CNTNAP2: variants seen among roughly 807,000 people sequenced by gnomAD.
CNTNAP2 encodes the protein contactin associated protein 2.
CNTNAP2 carries 98 observed loss-of-function variants against 155.2 expected under a neutral mutation model. The ratio of observed to expected loss-of-function variants is 0.63; its 90% confidence interval spans 0.54 to 0.75. CNTNAP2 has a LOEUF of 0.75. CNTNAP2 is among the 30% of genes least tolerant of loss of function. CNTNAP2 has a pLI of 0.00. For synonymous variants in CNTNAP2, 651 were observed against 631.2 expected (o/e 1.03, Z -0.47); for missense variants, 1,727 against 1,688.1 (o/e 1.02, Z -0.40).
At chr7:147,459,433 C>T (rs1029593667) in intron 10 of CNTNAP2, among the ~76,000 whole-genome samples, 1 of 152,060 alleles carries the variant, frequency 6.6e-6, no homozygotes, top group Admixed American at 6.6e-5. Flanking sequence ...GAATATGTCA[C>T]CTGACATGAC....
rs142787218 is a variant in CNTNAP2 at position 148,200,163 on chromosome 7, T to C, written c.3011-17125T>C. ...CCCTCATAGACACACTCAGAAATCATGTTTTATCAGCCATGTGGGCATCTC... is the reference window on the plus strand; with the variant it reads ...CCCTCATAGACACACTCAGAAATCACGTTTTATCAGCCATGTGGGCATCTC... On this transcript the variant is annotated intron_variant, in intron 18 of 23. Transcript: ENST00000361727. 6.9e-3 allele frequency among the ~76,000 whole-genome samples: 1,056 copies of C among 152,318 alleles called. 11 individuals are homozygous for C. The highest frequency in any genetic ancestry group is 0.024 in the African/African-American group (1,006 of 41,568).
At chr7:147,578,206 T>C (rs1345011907) in intron 12 of CNTNAP2, among the ~76,000 whole-genome samples, 1 of 152,142 alleles carries the variant, frequency 6.6e-6, no homozygotes, top group Non-Finnish European at 1.5e-5. Flanking sequence ...TAATGGAAAG[T>C]AAAGGAATGA....
At chr7:146,462,119 G>A (rs945645515) in intron 1 of CNTNAP2, among the ~76,000 whole-genome samples, 4 of 152,106 alleles carry the variant, frequency 2.6e-5, no homozygotes, top group African/African-American at 9.7e-5. Context: ...CGAAAAATAG[G>A]TGATATGATC....
At chr7:146,567,018 A>G (rs368244524) in intron 1 of CNTNAP2, among the ~76,000 whole-genome samples, 2 of 152,330 alleles carry the variant, frequency 1.3e-5, no homozygotes, top group African/African-American at 4.8e-5. Context: ...GAAACTATAG[A>G]CAGCAACCTT....
chr7:146,456,985 T>C (rs1340015694), intron 1 of CNTNAP2, among the ~76,000 whole-genome samples: 2 of 152,266 alleles, frequency 1.3e-5, no homozygotes, highest in African/African-American at 2.4e-5. Flanking sequence ...TTTTATGTAA[T>C]TTAATTAATA....
At chr7:147,339,457 C>T (rs1795721894) in intron 9 of CNTNAP2, among the ~76,000 whole-genome samples, 1 of 152,078 alleles carries the variant, frequency 6.6e-6, no homozygotes, top group Non-Finnish European at 1.5e-5. Flanking sequence ...GGAAGCAGCA[C>T]AAGGCCCTCA....
intron 1 of CNTNAP2, among the ~76,000 whole-genome samples, chr7:146,310,622 T>C (rs981826472): frequency 6.6e-6 from 1 of 151,954 alleles, no homozygotes; most frequent in Non-Finnish European, 1.5e-5. Context: ...CTAAGATTAA[T>C]TTTTTAATTG....
At chr7:148,040,170 T>C (rs1802644294) in intron 15 of CNTNAP2, among the ~76,000 whole-genome samples, 1 of 152,138 alleles carries the variant, frequency 6.6e-6, no homozygotes, top group Non-Finnish European at 1.5e-5. Context: ...ATTTCTAAAA[T>C]AAAACCATGT....
intron 1 of CNTNAP2, among the ~76,000 whole-genome samples, chr7:146,135,193 T>C (rs971354168): frequency 2.0e-5 from 3 of 152,140 alleles, no homozygotes; most frequent in Non-Finnish European, 4.4e-5. Flanking sequence ...ATTTTAAAAT[T>C]AAGAAGCACA....
At chr7:146,556,084 A>G (rs1408535304) in intron 1 of CNTNAP2, among the ~76,000 whole-genome samples, 1 of 152,234 alleles carries the variant, frequency 6.6e-6, no homozygotes, top group African/African-American at 2.4e-5. Flanking sequence ...TTGGATTCCA[A>G]CAAATATTCT....
intron 12 of CNTNAP2, among the ~76,000 whole-genome samples, chr7:147,565,729 T>C (rs148493282): frequency 1.2e-3 from 183 of 152,270 alleles, no homozygotes; most frequent in Non-Finnish European, 2.5e-3. Flanking sequence ...TGAACTTTAG[T>C]GCCATTTAGG....
intron 2 of CNTNAP2, among the ~76,000 whole-genome samples, chr7:146,784,880 A>G (rs1802548196): frequency 6.6e-6 from 1 of 152,052 alleles, no homozygotes; most frequent in Non-Finnish European, 1.5e-5. Context: ...TTTATCAAAT[A>G]TTTACACACT....
intron 13 of CNTNAP2, among the ~76,000 whole-genome samples, chr7:147,857,516 C>G (rs1469999629): frequency 6.6e-6 from 1 of 152,172 alleles, no homozygotes; most frequent in Non-Finnish European, 1.5e-5. Flanking sequence ...TCAGGTTCAT[C>G]ATCAAAATAA....
intron 9 of CNTNAP2, among the ~76,000 whole-genome samples, chr7:147,352,115 G>A (rs550644894): frequency 1.2e-4 from 19 of 152,030 alleles, no homozygotes; most frequent in African/African-American, 4.6e-4. Flanking sequence ...TTCATCCTCA[G>A]ATTCCTTAGC....
intron 1 of CNTNAP2, among the ~76,000 whole-genome samples, chr7:146,158,736 G>A (rs1301746747): frequency 6.6e-6 from 1 of 152,120 alleles, no homozygotes; most frequent in Admixed American, 6.5e-5. Context: ...AGAAATATGG[G>A]ACTATGTGAA....
At chr7:146,721,122 A>G (rs1478203437) in intron 1 of CNTNAP2, among the ~76,000 whole-genome samples, 3 of 132,716 alleles carry the variant, frequency 2.3e-5, no homozygotes, top group African/African-American at 8.4e-5. Context: ...TTCTCTCTAT[A>G]TATCCTATAT....
intron 1 of CNTNAP2, among the ~76,000 whole-genome samples, chr7:146,439,030 A>T (rs1210949921): frequency 6.6e-6 from 1 of 151,468 alleles, no homozygotes; most frequent in African/African-American, 2.5e-5. Flanking sequence ...AACAGAAAAC[A>T]GTGTAGGATT....
intron 1 of CNTNAP2, among the ~76,000 whole-genome samples, chr7:146,694,863 A>G (rs1240642625): frequency 1.3e-5 from 2 of 152,024 alleles, no homozygotes; most frequent in Non-Finnish European, 2.9e-5. Flanking sequence ...AATGTGAATG[A>G]TTTTATATTT....
chr7:147,141,512 C>T (rs573069960), intron 8 of CNTNAP2, among the ~76,000 whole-genome samples: 119 of 152,050 alleles, frequency 7.8e-4, no homozygotes, highest in Non-Finnish European at 1.4e-3. Context: ...TGGAACAACT[C>T]CACAAGATGA....
Sources: allele counts gnomAD v4.1 joint callset (sites outside exome capture counted in the v4.1 genomes callset), GRCh38; gene constraint gnomAD v4.1.1; transcripts MANE v1.5; gene names NCBI Gene and HGNC (gene_info 2026-07-23, HGNC 2026-07-21).